The following SPEF2 variants were observed in gnomAD, a reference collection of about 807,000 sequenced individuals.
SPEF2 encodes the protein sperm flagella and cilia-associated protein 2.
Under a neutral mutation model 224.6 loss-of-function variants are expected in SPEF2, and 187 were observed. The ratio of observed to expected loss-of-function variants is 0.83; its 90% CI spans 0.74 to 0.94. SPEF2 has a LOEUF of 0.94. Ranked by LOEUF, SPEF2 falls within the 40% of genes least tolerant of loss-of-function variation. The probability of loss-of-function intolerance (pLI) is 0.00; values close to 1 mark genes in which losing one functional copy is unlikely to be tolerated. For missense variants in SPEF2, 2,170 were observed against 2,135.6 expected, an observed-to-expected ratio of 1.02 and a Z score of -0.32; for synonymous variants, 715 against 707.3, an observed-to-expected ratio of 1.01 and a Z score of -0.17.
At chr5:35,794,625 A>T (rs1047260896) in intron 32 of SPEF2, among the ~76,000 whole-genome samples, 1 of 152,220 alleles carries the variant, frequency 6.6e-6, no homozygotes, top group South Asian at 2.1e-4. Context: ...TAAGATTTTT[A>T]AAAGTGCGCA....
At chr5:35,807,629 A>G (rs770213517) in intron 36 of SPEF2, 40 of 1,534,728 alleles carry the variant, frequency 2.6e-5, no homozygotes, top group Non-Finnish European at 3.3e-5. Flanking sequence ...TTGTACTCTA[A>G]TCACGCAAGG....
chr5:35,708,996 C>G lies in SPEF2; in HGVS notation c.2714C>G (p.Ser905Cys). 6.2e-7 allele frequency: 1 copy of G among 1,613,368 alleles called. No homozygotes were observed. Reference protein sequence around the residue: ...EKEAEKKAAASLAELPLPTPP... With the variant: ...EKEAEKKAAACLAELPLPTPP... ...GAAGCTGAGAAAAAAGCAGCAGCTT[C>G]CCTGGCTGAGCTTCCACTTCCTACA... Residue 905 changes from serine to cysteine, a missense_variant, in exon 19 of 37, where the codon TCC becomes TGC. By Grantham distance (112) the Ser-to-Cys change is moderately radical. Coordinates refer to ENST00000356031, the MANE Select transcript of SPEF2 (RefSeq NM_024867.4).
At chr5:35,628,303 T>A (rs1744560405) in intron 1 of SPEF2, among the ~76,000 whole-genome samples, 157 bp from the exon 2 acceptor site, 1 of 152,228 alleles carries the variant, frequency 6.6e-6, no homozygotes, top group African/African-American at 2.4e-5. Flanking sequence ...GTCAACCTTT[T>A]CCTTTGGTTA....
At chr5:35,745,805 C>T (rs192850243) in intron 23 of SPEF2, among the ~76,000 whole-genome samples, 9 of 152,376 alleles carry the variant, frequency 5.9e-5, no homozygotes, top group African/African-American at 1.9e-4. Context: ...GCTGGTCCCT[C>T]TCCACGCTAC....
At chr5:35,634,939 G>T (rs758828579) in intron 2 of SPEF2, among the ~76,000 whole-genome samples, 6 of 151,536 alleles carry the variant, frequency 4.0e-5, no homozygotes, top group Non-Finnish European at 1.5e-5. Context: ...ATATCATATT[G>T]TATCTCCTTA....
At chr5:35,632,931 T>C (rs1377969637) in intron 2 of SPEF2, 1 of 152,230 alleles carries the variant, frequency 6.6e-6, no homozygotes, top group Admixed American at 6.5e-5. Flanking sequence ...GTTATTTCAA[T>C]CTCTTTAAAC....
At chr5:35,751,671 A>C (rs997344830) in intron 23 of SPEF2, among the ~76,000 whole-genome samples, 1 of 152,144 alleles carries the variant, frequency 6.6e-6, no homozygotes, top group African/African-American at 2.4e-5. Flanking sequence ...CAGGCTCCTC[A>C]AGGTAACAAA....
At chr5:35,691,000 C>A in intron 10 of SPEF2, 37 bp from the exon 11 acceptor site, 1 of 1,555,322 alleles carries the variant, frequency 6.4e-7, no homozygotes, top group South Asian at 1.2e-5. Context: ...TTCCACTTTT[C>A]AGAATATTTC....
chr5:35,813,235 G>A (rs1758645398), intron 36 of SPEF2, among the ~76,000 whole-genome samples: 1 of 152,204 alleles, frequency 6.6e-6, no homozygotes, highest in African/African-American at 2.4e-5. Flanking sequence ...GTTGCCATCT[G>A]TAATCCCAGC....
At chr5:35,659,740 A>C (rs573882792) in intron 8 of SPEF2, among the ~76,000 whole-genome samples, 6 of 151,994 alleles carry the variant, frequency 3.9e-5, no homozygotes, top group Admixed American at 2.6e-4. Flanking sequence ...CTTTTTTTTT[A>C]GATACTTTTT....
intron 2 of SPEF2, among the ~76,000 whole-genome samples, chr5:35,634,846 A>G (rs1192430919): frequency 1.3e-5 from 2 of 152,016 alleles, no homozygotes; most frequent in Non-Finnish European, 2.9e-5. Context: ...TTTGTATATT[A>G]TTATCAAATA....
intron 8 of SPEF2, among the ~76,000 whole-genome samples, chr5:35,662,858 G>T (rs994756830): frequency 6.6e-6 from 1 of 152,138 alleles, no homozygotes; most frequent in Non-Finnish European, 1.5e-5. Flanking sequence ...GTAGTGCGAT[G>T]CTTCCAGCTT....
At chr5:35,638,095 TA>T (rs1470060892) in intron 2 of SPEF2, among the ~76,000 whole-genome samples, 1 of 152,194 alleles carries the variant, frequency 6.6e-6, no homozygotes, top group African/African-American at 2.4e-5. Flanking sequence ...ACCATGAGGT[TA>T]GGGGTATTAG....
At chr5:35,795,565 C>T (rs1319926407) in intron 32 of SPEF2, 138 bp from the exon 33 acceptor site, 2 of 598,340 alleles carry the variant, frequency 3.3e-6, no homozygotes, top group Admixed American at 3.3e-5. Context: ...GTATTTTCTC[C>T]TACACCCCTG....
At chr5:35,645,965 A>G (rs1747316772) in intron 4 of SPEF2, among the ~76,000 whole-genome samples, 1 of 152,204 alleles carries the variant, frequency 6.6e-6, no homozygotes, top group Non-Finnish European at 1.5e-5. Context: ...TAGTTCTAAT[A>G]TAATGTATTA....
chr5:35,629,060 G>A (rs1174654889), intron 2 of SPEF2, among the ~76,000 whole-genome samples: 1 of 151,376 alleles, frequency 6.6e-6, no homozygotes, highest in Non-Finnish European at 1.5e-5. Flanking sequence ...AGAGTACAAA[G>A]GAGAGATTGT....
chr5:35,717,909 G>C (rs1012336180), intron 20 of SPEF2, among the ~76,000 whole-genome samples: 1 of 152,184 alleles, frequency 6.6e-6, no homozygotes, highest in African/African-American at 2.4e-5. Context: ...GCTGACAGGG[G>C]GCGCTGTTTT....
chr5:35,636,368 G>A (rs967762498), intron 2 of SPEF2, among the ~76,000 whole-genome samples: 7 of 152,094 alleles, frequency 4.6e-5, no homozygotes, highest in African/African-American at 1.7e-4. Context: ...ACATCTCAAA[G>A]TCAGCCAAAG....
chr5:35,799,627 G>A (rs113021690), intron 33 of SPEF2, among the ~76,000 whole-genome samples: 13 of 152,194 alleles, frequency 8.5e-5, no homozygotes, highest in East Asian at 7.7e-4. Flanking sequence ...TAGTTTGTCC[G>A]GAGAATGCTG....
Sources: allele counts gnomAD v4.1 joint callset (sites outside exome capture counted in the v4.1 genomes callset), GRCh38; gene constraint gnomAD v4.1.1; transcripts MANE v1.5; gene names NCBI Gene and HGNC (gene_info 2026-07-23, HGNC 2026-07-21).